TMEM178B: variants seen among roughly 807,000 people sequenced by gnomAD.
The protein encoded by TMEM178B is transmembrane protein 178B.
A neutral mutation model predicts 31.0 loss-of-function variants in TMEM178B; 5 were observed. The ratio of observed to expected loss-of-function variants is 0.16; its 90% CI spans 0.08 to 0.34. TMEM178B has a LOEUF of 0.34. TMEM178B is among the 10% of genes least tolerant of loss of function. The probability of loss-of-function intolerance (pLI) is 1.00; values close to 1 mark genes in which losing one functional copy is unlikely to be tolerated. For missense variants in TMEM178B, 275 were observed against 400.3 expected (o/e 0.69, Z 2.67); for synonymous variants, 164 against 164.0 (o/e 1.00, Z 0.00).
intron 1 of TMEM178B, among the ~76,000 whole-genome samples, chr7:141,179,641 CT>C (rs1363761149): frequency 6.6e-6 from 1 of 152,090 alleles, no homozygotes; most frequent in Non-Finnish European, 1.5e-5. Context: ...AGAGAAAGGG[CT>C]GCAGGGAGTG....
chr7:141,326,712 A>C (rs1799196347), intron 2 of TMEM178B, among the ~76,000 whole-genome samples: 1 of 152,214 alleles, frequency 6.6e-6, no homozygotes, highest in African/African-American at 2.4e-5. Flanking sequence ...TAGTTATGAC[A>C]GAGATGGTTT....
intron 2 of TMEM178B, chr7:141,431,164 A>G (rs1586955378): frequency 7.4e-6 from 1 of 135,846 alleles, no homozygotes. Flanking sequence ...TACCCTCACC[A>G]TTTCTGTTTT....
intron 2 of TMEM178B, chr7:141,431,281 G>T (rs1445497707): frequency 1.3e-5 from 2 of 152,020 alleles, no homozygotes; most frequent in Non-Finnish European, 2.9e-5. Context: ...TCTCTAAGTG[G>T]TGTTTATTTA....
chr7:141,220,965 G>A (rs1317558022), intron 2 of TMEM178B, among the ~76,000 whole-genome samples: 1 of 152,186 alleles, frequency 6.6e-6, no homozygotes, highest in Non-Finnish European at 1.5e-5. Flanking sequence ...CCAGGTAAGG[G>A]CTCAAATTAC....
chr7:141,130,021 A>G (rs754386323), intron 1 of TMEM178B, among the ~76,000 whole-genome samples: 4 of 152,340 alleles, frequency 2.6e-5, no homozygotes, highest in South Asian at 2.1e-4. Context: ...CTTAAAGACA[A>G]TAGATGACCG....
intron 1 of TMEM178B, among the ~76,000 whole-genome samples, chr7:141,151,628 T>C (rs747514139): frequency 9.2e-5 from 14 of 152,110 alleles, no homozygotes; most frequent in Non-Finnish European, 1.3e-4. Context: ...CCTGTGGAGA[T>C]ATAGTTCTCT....
At chr7:141,141,586 T>C (rs1283556901) in intron 1 of TMEM178B, among the ~76,000 whole-genome samples, 1 of 152,232 alleles carries the variant, frequency 6.6e-6, no homozygotes, top group East Asian at 1.9e-4. Flanking sequence ...GTCAGCTCCA[T>C]GAGTTCAGGT....
intron 2 of TMEM178B, among the ~76,000 whole-genome samples, chr7:141,250,585 TTC>T (rs1797815006): frequency 6.6e-6 from 1 of 152,202 alleles, no homozygotes; most frequent in South Asian, 2.1e-4. Context: ...GTGTCTGATG[TTC>T]TCATGGGAGC....
chr7:141,391,943 A>G (rs10258367), intron 2 of TMEM178B, among the ~76,000 whole-genome samples: 40,181 of 152,118 alleles, frequency 0.26, 5,615 homozygotes, highest in African/African-American at 0.32. Flanking sequence ...CGGATACATC[A>G]GTTGCTTCCA....
At chr7:141,285,121 T>C (rs1220886945) in intron 2 of TMEM178B, among the ~76,000 whole-genome samples, 1 of 151,202 alleles carries the variant, frequency 6.6e-6, no homozygotes, top group Non-Finnish European at 1.5e-5. Flanking sequence ...TGTCCCTTTT[T>C]CTGCCCCAGG....
chr7:141,223,100 C>T (rs1158595841), intron 2 of TMEM178B, among the ~76,000 whole-genome samples: 1 of 152,134 alleles, frequency 6.6e-6, no homozygotes, highest in Non-Finnish European at 1.5e-5. Flanking sequence ...CCCGGCCCTG[C>T]CTTCCGTTTG....
chr7:141,284,306 C>T (rs940362198), intron 2 of TMEM178B, among the ~76,000 whole-genome samples: 7 of 152,064 alleles, frequency 4.6e-5, no homozygotes, highest in South Asian at 2.1e-4. Context: ...CTTAAATTTA[C>T]GTTTTTAGTC....
chr7:141,441,086 T>TG (rs1801648599), intron 3 of TMEM178B, among the ~76,000 whole-genome samples: 1 of 152,222 alleles, frequency 6.6e-6, no homozygotes, highest in African/African-American at 2.4e-5. Flanking sequence ...GACACAGCTA[T>TG]GGGAGTCCAG....
Position 141,344,583 on chromosome 7 carries a change from CCTTCCTT to C in TMEM178B, c.497-93023_497-93017del, listed in dbSNP as rs1799579757. On this transcript the variant is annotated intron_variant, in intron 2 of 3. Coordinates refer to ENST00000565468, the MANE Select transcript of TMEM178B (RefSeq NM_001195278.2). This position sits in a 1 kb window ranked among gnomAD's most constrained non-coding sequence, Gnocchi z 4.1. ...TCCATTCCTCCCTCCTCCCTTCCTT[CCTTCCTT>C]CCTTCCTTCCTTCCTTCCTTCCTTC... Among the ~76,000 whole-genome samples the C allele has an allele frequency of 1.2e-5, 1 of 84,588 alleles. No homozygotes were observed. The highest frequency in any genetic ancestry group is 2.4e-5 in the Non-Finnish European group (1 of 41,790). The allele number at this position is 84,588 out of a possible 152,430, so 55.5% of individuals were successfully genotyped here.
At chr7:141,395,294 A>T (rs909058783) in intron 2 of TMEM178B, among the ~76,000 whole-genome samples, 4 of 152,160 alleles carry the variant, frequency 2.6e-5, no homozygotes, top group Non-Finnish European at 4.4e-5. Context: ...CAAAAAAATT[A>T]TCCACACTTG....
At chr7:141,205,643 T>C (rs1445500047) in intron 1 of TMEM178B, among the ~76,000 whole-genome samples, 1 of 152,236 alleles carries the variant, frequency 6.6e-6, no homozygotes, top group Non-Finnish European at 1.5e-5. Context: ...AATGGAGATA[T>C]AAAGTACTAC....
chr7:141,363,366 C>T (rs548121305), intron 2 of TMEM178B, among the ~76,000 whole-genome samples: 1 of 152,302 alleles, frequency 6.6e-6, no homozygotes, highest in South Asian at 2.1e-4. Context: ...GTCAGTTTCT[C>T]AAGATATCGT....
At position 141,366,871 on chromosome 7, in the gene TMEM178B, C is replaced by A. The variant is rs549059020; in HGVS notation, c.497-70737C>A. Among the ~76,000 whole-genome samples the A allele has an allele frequency of 8.5e-5, 13 of 152,180 alleles. No individual in the cohort carries two copies. The South Asian group carries it at 2.5e-3, about 29-fold the overall frequency. On this transcript the variant is annotated intron_variant, in intron 2 of 3. Transcript: ENST00000565468. ...CTCAGGCTCTCCGGCCCACAGTATA[C>A]CCTGCAACTCTTCTGTGACAGTTTA... is the stretch of plus-strand genomic sequence containing the variant.
intron 1 of TMEM178B, among the ~76,000 whole-genome samples, chr7:141,141,978 C>G (rs938862067): frequency 6.6e-6 from 1 of 152,140 alleles, no homozygotes; most frequent in Non-Finnish European, 1.5e-5. Context: ...AGGTTTGTTA[C>G]CTGGGCATAT....
Sources: allele counts gnomAD v4.1 joint callset (sites outside exome capture counted in the v4.1 genomes callset), GRCh38; gene constraint gnomAD v4.1.1; non-coding constraint Gnocchi (gnomAD v3.1); transcripts MANE v1.5; gene names NCBI Gene and HGNC (gene_info 2026-07-23, HGNC 2026-07-21).